ABTB2: variants seen among roughly 807,000 people sequenced by gnomAD.
ABTB2 encodes ankyrin repeat and BTB/POZ domain-containing protein 2.
In ABTB2, 56 loss-of-function variants were observed where a neutral mutation model predicts 104.1. That is an observed-to-expected ratio of 0.54 (90% CI 0.43 to 0.67). The LOEUF (loss-of-function observed/expected upper bound fraction) is 0.67, where lower values mean the gene tolerates loss of function less well. Among genes scored for constraint, ABTB2 ranks in the 30% least tolerant of loss-of-function variants. ABTB2 has a pLI of 0.00. For synonymous variants in ABTB2, 606 were observed against 608.2 expected (o/e 1.00, Z 0.05); for missense variants, 1,279 against 1,407.7 (o/e 0.91, Z 1.46).
At chr11:34,250,428 G>A (rs1854041711) in intron 1 of ABTB2, among the ~76,000 whole-genome samples, 3 of 152,194 alleles carry the variant, frequency 2.0e-5, no homozygotes, top group Non-Finnish European at 4.4e-5. Context: ...GACGATAAAT[G>A]TGAATCTTGA....
intron 1 of ABTB2, among the ~76,000 whole-genome samples, chr11:34,317,719 G>C (rs897250998): frequency 7.2e-6 from 1 of 139,846 alleles, no homozygotes; most frequent in African/African-American, 2.7e-5. Flanking sequence ...CCAAGATGTT[G>C]TCACCACATT....
chr11:34,222,104 A>G (rs947861272), intron 1 of ABTB2, among the ~76,000 whole-genome samples: 3 of 152,170 alleles, frequency 2.0e-5, no homozygotes, highest in African/African-American at 7.2e-5. Flanking sequence ...GAAAGGTGGG[A>G]CAACTTGAAG....
At chr11:34,195,075 C>CGGGTG (rs1554982290) in intron 3 of ABTB2, among the ~76,000 whole-genome samples, 1 of 18,064 alleles carries the variant, frequency 5.5e-5, no homozygotes, top group Non-Finnish European at 2.0e-4. Flanking sequence ...AGATGCCCGG[C>CGGGTG]GGGGGGGGGG....
intron 14 of ABTB2, 111 bp downstream of exon 14, chr11:34,159,185 A>C: frequency 2.6e-6 from 2 of 765,892 alleles, no homozygotes; most frequent in Admixed American, 2.2e-5. Context: ...AGAATACAGA[A>C]GGCACTGGGA....
chr11:34,229,135 A>AAAAAAAG (rs55739607), intron 1 of ABTB2, among the ~76,000 whole-genome samples: 94 of 94,440 alleles, frequency 1.0e-3, no homozygotes, highest in Non-Finnish European at 1.7e-3. Flanking sequence ...AAAAAAAAAA[A>AAAAAAAG]GAGAAAAAAG....
Position 34,165,259 on chromosome 11 carries a change from C to T in ABTB2, c.1852+1G>A, listed in dbSNP as rs1361059162. ...AGAGCCTCCGGGTAGCAGGTGCCTA[C>T]CTGCCGCAGAGGCCAGCTGCAGGGG... On this transcript the variant is annotated splice_donor_variant, in intron 8 of 16. Transcript: ENST00000435224. LOFTEE classifies it high-confidence loss of function. 2 of 1,548,368 alleles carry T rather than the reference C, an allele frequency of 1.3e-6. No individual in the cohort carries two copies. Among genetic ancestry groups the T allele is most frequent in the South Asian group, 1.2e-5 (1 of 83,518 alleles).
intron 1 of ABTB2, among the ~76,000 whole-genome samples, chr11:34,256,946 C>T (rs1447148864): frequency 6.6e-6 from 1 of 151,872 alleles, no homozygotes. Flanking sequence ...TCTTGAGTTG[C>T]TCTGAACTGC....
chr11:34,173,088 C>T (rs184204725), intron 4 of ABTB2, 67 bp downstream of exon 4: 25,449 of 1,596,184 alleles, frequency 0.016, 274 homozygotes, highest in Non-Finnish European at 0.019. Context: ...GGGGAAGAAG[C>T]GAGCAGAGGG....
At chr11:34,173,455 G>T (rs1372444186) in intron 3 of ABTB2, 148 bp from the exon 4 acceptor site, 4 of 1,042,118 alleles carry the variant, frequency 3.8e-6, no homozygotes, top group Admixed American at 2.9e-5. Context: ...GCAGCAGAGG[G>T]TCAGGCCTAG....
At chr11:34,306,236 ATTT>A (rs34872949) in intron 1 of ABTB2, among the ~76,000 whole-genome samples, 52 of 71,960 alleles carry the variant, frequency 7.2e-4, no homozygotes, top group East Asian at 1.0e-3. Context: ...GGAAAGTTTG[ATTT>A]TTTTTTTTTT....
intron 1 of ABTB2, among the ~76,000 whole-genome samples, chr11:34,264,739 C>T (rs530157586): frequency 2.0e-5 from 3 of 152,316 alleles, no homozygotes; most frequent in Admixed American, 6.5e-5. Context: ...TTAAACTGTT[C>T]GAAGCGTGTC....
At chr11:34,301,973 T>C (rs992859081) in intron 1 of ABTB2, among the ~76,000 whole-genome samples, 9 of 152,114 alleles carry the variant, frequency 5.9e-5, no homozygotes, top group African/African-American at 2.2e-4. Context: ...GGCAACAGAG[T>C]GAGACCCTGT....
At chr11:34,163,476 C>T (rs1431626019) in intron 9 of ABTB2, among the ~76,000 whole-genome samples, 4 of 152,246 alleles carry the variant, frequency 2.6e-5, no homozygotes, top group African/African-American at 9.6e-5. Flanking sequence ...ATGGATCCAT[C>T]TTGCTCAAGG....
chr11:34,240,674 C>T (rs190077200), intron 1 of ABTB2, among the ~76,000 whole-genome samples: 1,591 of 151,966 alleles, frequency 0.01, 12 homozygotes, highest in Admixed American at 0.019. Context: ...CTCACTGCAA[C>T]CTCCACCTCC....
rs1240637860 is a variant in ABTB2 at position 34,173,440 on chromosome 11, G to C, written c.1245-133C>G. 3.5e-6 allele frequency: 4 copies of C among 1,149,794 alleles called. No homozygotes were observed. The African/African-American group carries it at 4.7e-5, about 13-fold the overall frequency. The allele number at this position is 1,149,794 out of a possible 1,614,324, so 71.2% of individuals were successfully genotyped here. On this transcript the variant is annotated intron_variant, in intron 3 of 16. Coordinates refer to ENST00000435224, the MANE Select transcript of ABTB2 (RefSeq NM_145804.3). ...TCAGTCCTAGGGTGGGGGGCTCCCT[G>C]CTGGGCAGCAGAGGGTCAGGCCTAG... is the stretch of plus-strand genomic sequence containing the variant.
At chr11:34,271,899 C>T (rs1344859794) in intron 1 of ABTB2, among the ~76,000 whole-genome samples, 3 of 152,190 alleles carry the variant, frequency 2.0e-5, no homozygotes, top group South Asian at 2.1e-4. Flanking sequence ...CCAGCAGAGG[C>T]TTGGACTGGC....
chr11:34,357,134 G>C lies in ABTB2; in HGVS notation c.450C>G (p.His150Gln). 2 of 1,504,396 alleles carry C rather than the reference G, an allele frequency of 1.3e-6. No homozygotes were observed. Among genetic ancestry groups the C allele is most frequent in the South Asian group, 1.3e-5 (1 of 79,678 alleles). The allele number at this position is 1,504,396 out of a possible 1,614,324, so 93.2% of individuals were successfully genotyped here. The change falls in exon 1 of 17, where the codon CAC becomes CAG. Residue 150 changes from histidine (H) to glutamine (Q), a missense_variant. Physicochemically the swap from His to Gln is conservative, Grantham distance 24. Coordinates refer to ENST00000435224, the MANE Select transcript of ABTB2 (RefSeq NM_145804.3). ...AREAQRLSVL[H>Q]AKCTRFEVQS... ...GCACCTCAAAGCGGGTGCACTTGGCGTGCAGCACGCTCAGGCGCTGCGCCT... is the reference window on the plus strand; with the variant it reads ...GCACCTCAAAGCGGGTGCACTTGGCCTGCAGCACGCTCAGGCGCTGCGCCT...
chr11:34,276,942 C>A (rs908046959), intron 1 of ABTB2, among the ~76,000 whole-genome samples: 5 of 152,180 alleles, frequency 3.3e-5, no homozygotes, highest in Admixed American at 1.3e-4. Context: ...TGCTCTCTCA[C>A]CCAGGTTGGA....
chr11:34,323,946 C>A (rs1173983150), intron 1 of ABTB2, among the ~76,000 whole-genome samples: 1 of 118,714 alleles, frequency 8.4e-6, no homozygotes, highest in East Asian at 2.6e-4. Flanking sequence ...TGGAGTGTCA[C>A]TCTGTTGCCC....
Sources: allele counts gnomAD v4.1 joint callset (sites outside exome capture counted in the v4.1 genomes callset), GRCh38; gene constraint gnomAD v4.1.1; transcripts MANE v1.5; gene names NCBI Gene and HGNC (gene_info 2026-07-23, HGNC 2026-07-21).